Variants in GPC6 observed in about 807,000 individuals in gnomAD.
GPC6 encodes glypican 6.
GPC6 carries 14 observed loss-of-function variants against 55.2 expected under a neutral mutation model. The ratio of observed to expected loss-of-function variants is 0.25; its 90% CI spans 0.17 to 0.40. The LOEUF (loss-of-function observed/expected upper bound fraction) is 0.40. GPC6 is among the 10% of genes least tolerant of loss of function. The pLI is 1.00. For synonymous variants in GPC6, 278 were observed against 259.6 expected (o/e 1.07, Z -0.68); for missense variants, 641 against 708.5 (o/e 0.90, Z 1.08).
At chr13:94,164,221 T>C (rs1324618542) in intron 4 of GPC6, among the ~76,000 whole-genome samples, 1 of 152,192 alleles carries the variant, frequency 6.6e-6, no homozygotes, top group African/African-American at 2.4e-5. Flanking sequence ...ATGTCATTAG[T>C]CCTGTGTTAC....
At chr13:93,829,397 C>G (rs189650161) in intron 2 of GPC6, among the ~76,000 whole-genome samples, 1 of 152,122 alleles carries the variant, frequency 6.6e-6, no homozygotes, top group Non-Finnish European at 1.5e-5. Flanking sequence ...AACACTCAAG[C>G]GCTGTTGCAA....
chr13:93,727,980 G>A (rs527754618), intron 2 of GPC6, among the ~76,000 whole-genome samples: 6 of 152,050 alleles, frequency 3.9e-5, no homozygotes, highest in South Asian at 2.1e-4. Flanking sequence ...GACATTTGCC[G>A]TTCCCTCCAG....
chr13:93,770,688 T>G (rs1019270527), intron 2 of GPC6, among the ~76,000 whole-genome samples: 9 of 152,148 alleles, frequency 5.9e-5, no homozygotes, highest in African/African-American at 2.2e-4. Flanking sequence ...CTCAGTAGTG[T>G]CTATTCCCAG....
chr13:93,635,796 G>A (rs1879666302), intron 2 of GPC6, among the ~76,000 whole-genome samples: 2 of 152,094 alleles, frequency 1.3e-5, no homozygotes, highest in African/African-American at 4.8e-5. Context: ...ACAGATTTTT[G>A]CTGCATCCTG....
intron 4 of GPC6, among the ~76,000 whole-genome samples, chr13:94,067,502 CTGTG>C (rs1361708878): frequency 6.8e-6 from 1 of 147,858 alleles, no homozygotes; most frequent in East Asian, 2.0e-4. Context: ...CTCTCTCTCT[CTGTG>C]TCTATGTATA....
intron 3 of GPC6, among the ~76,000 whole-genome samples, chr13:93,868,456 C>CT (rs1312767421): frequency 6.6e-6 from 1 of 151,658 alleles, no homozygotes; most frequent in Non-Finnish European, 1.5e-5. Context: ...AATAATTTTG[C>CT]TTACAGCATT....
At chr13:93,412,873 T>C (rs1398459773) in intron 1 of GPC6, among the ~76,000 whole-genome samples, 1 of 152,150 alleles carries the variant, frequency 6.6e-6, no homozygotes, top group Admixed American at 6.5e-5. Flanking sequence ...CTAGTGCCAC[T>C]TTTTACCCCC....
At chr13:93,836,357 A>G (rs997272795) in intron 3 of GPC6, among the ~76,000 whole-genome samples, 10 of 152,216 alleles carry the variant, frequency 6.6e-5, no homozygotes, top group South Asian at 6.2e-4. Flanking sequence ...TTGAGAAAGA[A>G]TTGAGAATAC....
intron 2 of GPC6, among the ~76,000 whole-genome samples, chr13:93,762,157 C>T (rs541397454): frequency 5.9e-5 from 9 of 152,286 alleles, no homozygotes; most frequent in South Asian, 2.1e-4. Flanking sequence ...GCTTATTTCA[C>T]TTAATGTAAG....
At chr13:94,106,999 T>C (rs1404615516) in intron 4 of GPC6, among the ~76,000 whole-genome samples, 4 of 152,058 alleles carry the variant, frequency 2.6e-5, no homozygotes, top group African/African-American at 7.2e-5. Flanking sequence ...CAAACACAGA[T>C]GTTCAGCCGG....
intron 4 of GPC6, among the ~76,000 whole-genome samples, chr13:94,054,774 G>A (rs2138758906): frequency 6.6e-6 from 1 of 152,262 alleles, no homozygotes; most frequent in Middle Eastern, 3.4e-3. Context: ...AGACCTGTGG[G>A]AAATTCACTG....
intron 2 of GPC6, among the ~76,000 whole-genome samples, chr13:93,615,214 T>C (rs1878662104): frequency 2.0e-5 from 3 of 152,180 alleles, no homozygotes; most frequent in African/African-American, 7.2e-5. Context: ...CCAGGTTTTC[T>C]TTCAAAACTA....
At chr13:94,373,576 A>G (rs1879692177) in intron 6 of GPC6, among the ~76,000 whole-genome samples, 1 of 152,288 alleles carries the variant, frequency 6.6e-6, no homozygotes, top group South Asian at 2.1e-4. Context: ...AAAAGACCAA[A>G]TCTACGTCTG....
chr13:93,594,323 C>A (rs1877632158), intron 2 of GPC6, among the ~76,000 whole-genome samples: 1 of 152,012 alleles, frequency 6.6e-6, no homozygotes, highest in Non-Finnish European at 1.5e-5. Context: ...TCCTCCCACC[C>A]TTTATTCTAT....
chr13:93,333,256 A>G (rs1379017986), intron 1 of GPC6, among the ~76,000 whole-genome samples: 6 of 151,966 alleles, frequency 3.9e-5, no homozygotes, highest in Non-Finnish European at 8.8e-5. Flanking sequence ...TTTGTTAGGG[A>G]TTGCATTGAA....
At position 93,545,324 on chromosome 13, in the gene GPC6, G is replaced by C. The variant is rs1346085537; in HGVS notation, c.222G>C (p.Lys74Asn). Residue 74 changes from lysine (K) to asparagine (N), a missense_variant, in exon 2 of 9, where the codon AAG (lysine) becomes AAC (asparagine). Coordinates refer to ENST00000377047, the MANE Select transcript of GPC6 (RefSeq NM_005708.5). ...GCTGCACCACAGAAATGGAAGACAA[G>C]TTAAGCCAACAAAGCAAACTCGAAT... is the stretch of plus-strand genomic sequence containing the variant. ...YTCCTTEMED[K>N]LSQQSKLEFE... The C allele has an allele frequency of 6.2e-7, 1 of 1,613,770 alleles. No individual in the cohort carries two copies. Among genetic ancestry groups the C allele is most frequent in the Middle Eastern group, 1.7e-4 (1 of 6,060 alleles).
Position 93,433,739 on chromosome 13 carries a change from G to A in GPC6, c.161-111524G>A, listed in dbSNP as rs146111988. Among the ~76,000 whole-genome samples, 460 of 152,272 alleles carry A rather than the reference G, an allele frequency of 3.0e-3. 4 individuals are homozygous for A. Among genetic ancestry groups the A allele is most frequent in the African/African-American group, 0.011 (443 of 41,560 alleles). On this transcript the variant is annotated intron_variant, in intron 1 of 8. Transcript: ENST00000377047. ...AGAGAGATTTTCCAGGGGCTGCTGGGCTATGGTGGGTTTTCCAGGGGTTGG... is the reference window on the plus strand; with the variant it reads ...AGAGAGATTTTCCAGGGGCTGCTGGACTATGGTGGGTTTTCCAGGGGTTGG...
chr13:93,369,683 A>G (rs1487034769), intron 1 of GPC6, among the ~76,000 whole-genome samples: 3 of 152,102 alleles, frequency 2.0e-5, no homozygotes, highest in South Asian at 2.1e-4. Context: ...CACATTTGCT[A>G]TTGTTTTAAC....
At chr13:94,082,191 C>T (rs745520086) in intron 4 of GPC6, among the ~76,000 whole-genome samples, 4 of 152,100 alleles carry the variant, frequency 2.6e-5, no homozygotes, top group Non-Finnish European at 5.9e-5. Context: ...ACTAATGAGA[C>T]TTGCATATCC....
Sources: gnomAD v4.1 joint callset for allele counts (sites outside exome capture counted in the v4.1 genomes callset) on GRCh38, gnomAD v4.1.1 for gene constraint, MANE v1.5 for transcripts, NCBI Gene and HGNC (gene_info 2026-07-23, HGNC 2026-07-21) for gene names.